The following HLA-DMA variants were observed in gnomAD, a reference collection of about 807,000 sequenced individuals.
HLA-DMA encodes the protein HLA class II histocompatibility antigen, DM alpha chain.
Under a neutral mutation model 27.3 loss-of-function variants are expected in HLA-DMA, and 20 were observed. The observed-to-expected ratio is 0.73, with a 90% confidence interval of 0.52 to 1.07. HLA-DMA has a LOEUF of 1.07. Ranked by LOEUF, HLA-DMA falls within the 50% of genes least tolerant of loss-of-function variation. HLA-DMA has a pLI of 0.00. For synonymous variants in HLA-DMA, 111 were observed against 126.8 expected, an observed-to-expected ratio of 0.88 and a Z score of 0.83; for missense variants, 241 against 321.7, an observed-to-expected ratio of 0.75 and a Z score of 1.92.
rs2127480164 is a variant in HLA-DMA, at chr6:32,949,545, C to G, written c.652+66G>C. ...AACAAGGTACCAGTGGAGAAAGAAG[C>G]CTCCTCCCATGGATCTATCCCTTTT... is the stretch of plus-strand genomic sequence containing the variant. On this transcript the variant is annotated intron_variant, in intron 3 of 4. Coordinates refer to ENST00000374843, the MANE Select transcript of HLA-DMA (RefSeq NM_006120.4). The surrounding 1 kb of genome is among the most constrained non-coding windows in gnomAD (Gnocchi z 5.8). 2 of 1,598,828 alleles carry G rather than the reference C, an allele frequency of 1.3e-6. No individual in the cohort carries two copies. Among genetic ancestry groups the G allele is most frequent in the East Asian group, 2.2e-5 (1 of 44,702 alleles).
chr6:32,948,857 G>A lies in HLA-DMA; in HGVS notation c.*7C>T. ...AGCTGCTGGCATCAAACTCTGGTCT[G>A]GAAGAATCAGTCTGGGGGAGAGACA... On this transcript the variant is annotated 3_prime_UTR_variant, in exon 5 of 5. Transcript: ENST00000374843. 1 of 1,613,950 alleles carries A rather than the reference G, an allele frequency of 6.2e-7. No individual in the cohort carries two copies. The highest frequency in any genetic ancestry group is 8.5e-7 in the Non-Finnish European group (1 of 1,179,968).
Position 32,950,312 on chromosome 6 carries a change from A to C in HLA-DMA, c.373+207T>G. On this transcript the variant is annotated intron_variant, in intron 2 of 4. Transcript: ENST00000374843. This position sits in a 1 kb window ranked among gnomAD's most constrained non-coding sequence, Gnocchi z 5.0. ...CTGTTGAATTCATCACATTCAATAC[A>C]TAGTTCTGAATGCCTACTACATGCT... 1 of 645,586 alleles carries C rather than the reference A, an allele frequency of 1.5e-6. No homozygotes were observed. The highest frequency in any genetic ancestry group is 2.7e-6 in the Non-Finnish European group (1 of 365,316). 40.0% of individuals were successfully genotyped at this position (645,586 alleles called of 1,614,324 possible). A position where few individuals can be genotyped will look rare whatever the true frequency, so the allele number is the denominator to read the frequency against.
At chr6:32,951,055 G>A (rs999086385) in intron 1 of HLA-DMA, among the ~76,000 whole-genome samples, 8 of 151,936 alleles carry the variant, frequency 5.3e-5, no homozygotes, top group Non-Finnish European at 1.2e-4. Flanking sequence ...GAGGCTGAGG[G>A]AGGAGAATTG....
rs1305619085 is a variant in HLA-DMA, at chr6:32,950,920, G to T, written c.89-117C>A. 2.0e-6 allele frequency: 2 copies of T among 984,626 alleles called. No individual in the cohort carries two copies. The highest frequency in any genetic ancestry group is 3.0e-6 in the Non-Finnish European group (2 of 669,814). The allele number at this position is 984,626 out of a possible 1,614,324, so 61.0% of individuals were successfully genotyped here. Reference sequence around the variant, plus strand: ...GCCTGTAATCCCAGCACTTTGGGAGGCCAAGGTGGGTGGATCATGAGGTCA... The same window carrying T: ...GCCTGTAATCCCAGCACTTTGGGAGTCCAAGGTGGGTGGATCATGAGGTCA... On this transcript the variant is annotated intron_variant, in intron 1 of 4. Transcript: ENST00000374843. The surrounding 1 kb of genome is among the most constrained non-coding windows in gnomAD (Gnocchi z 5.0).
At chr6:32,948,947 A>G in intron 4 of HLA-DMA, 79 bp from the exon 5 acceptor site, 1 of 1,543,300 alleles carries the variant, frequency 6.5e-7, no homozygotes, top group Middle Eastern at 2.0e-4. Context: ...CCTCCCCCAC[A>G]AAGGCCTTGC....
chr6:32,949,159 G>A lies in HLA-DMA; in HGVS notation c.781+112C>T, dbSNP rs908103666. ...TGGATACAGGCCCCCACACCCAAGG[G>A]CCTGAGGATCGCTATATGTCCCCCC... On this transcript the variant is annotated intron_variant, in intron 4 of 4. Transcript: ENST00000374843. The surrounding 1 kb of genome is among the most constrained non-coding windows in gnomAD (Gnocchi z 5.8). The A allele has an allele frequency of 4.9e-6, 7 of 1,441,538 alleles. No individual in the cohort carries two copies. Among genetic ancestry groups the A allele is most frequent in the Non-Finnish European group, 6.7e-6 (7 of 1,045,742 alleles). 89.3% of individuals were successfully genotyped at this position (1,441,538 alleles called of 1,614,324 possible).
In HLA-DMA at chr6:32,948,641, T is replaced by TG; in HGVS notation, c.*222dup. On this transcript the variant is annotated 3_prime_UTR_variant, in exon 5 of 5. Transcript: ENST00000374843. ...TATAAAGAAATGAGATTTATTGCCT[T>TG]GTGGGGGGAAGGGATGTGGTTGTGA... The TG allele has an allele frequency of 1.6e-6, 1 of 608,122 alleles. No individual in the cohort carries two copies. Among genetic ancestry groups the TG allele is most frequent in the Non-Finnish European group, 2.9e-6 (1 of 339,900 alleles). The allele number at this position is 608,122 out of a possible 1,614,324, so 37.7% of individuals were successfully genotyped here.
In HLA-DMA at chr6:32,950,036, G is replaced by C; in HGVS notation, c.374-147C>G. 1 of 751,982 alleles carries C rather than the reference G, an allele frequency of 1.3e-6. No homozygotes were observed. The highest frequency in any genetic ancestry group is 2.1e-6 in the Non-Finnish European group (1 of 471,216). The allele number at this position is 751,982 out of a possible 1,614,324, so 46.6% of individuals were successfully genotyped here. On this transcript the variant is annotated intron_variant, in intron 2 of 4. Transcript: ENST00000374843. This position sits in a 1 kb window ranked among gnomAD's most constrained non-coding sequence, Gnocchi z 5.0. ...GAGACAGAGATGAGCGAGGAGCTGG[G>C]CTCTGAAGGGAGGTCTTCTTCCAGG...
intron 1 of HLA-DMA, among the ~76,000 whole-genome samples, chr6:32,951,972 T>C (rs1049880692): frequency 4.2e-4 from 64 of 152,124 alleles, no homozygotes; most frequent in African/African-American, 9.9e-4. Context: ...AAAATGTATA[T>C]ATATAAAATA....
chr6:32,948,677 A>C lies in HLA-DMA; in HGVS notation c.*187T>G. 1.5e-6 allele frequency: 1 copy of C among 675,810 alleles called. No homozygotes were observed. The highest frequency in any genetic ancestry group is 2.7e-6 in the Non-Finnish European group (1 of 375,042). 41.9% of individuals were successfully genotyped at this position (675,810 alleles called of 1,614,324 possible). On this transcript the variant is annotated 3_prime_UTR_variant, in exon 5 of 5. Transcript: ENST00000374843. ...GGGATGTGGTTGTGATAGGCAGGCC[A>C]CTCTGGGATCCCTGGGATGCAAGCC... is the stretch of plus-strand genomic sequence containing the variant.
In HLA-DMA at chr6:32,949,171, C is replaced by G; in HGVS notation, c.781+100G>C. The G allele has an allele frequency of 6.6e-7, 1 of 1,521,438 alleles. No homozygotes were observed. The highest frequency in any genetic ancestry group is 1.2e-5 in the South Asian group (1 of 83,408). The allele number at this position is 1,521,438 out of a possible 1,614,324, so 94.2% of individuals were successfully genotyped here. A position where few individuals can be genotyped will look rare whatever the true frequency, so the allele number is the denominator to read the frequency against. On this transcript the variant is annotated intron_variant, in intron 4 of 4. Transcript: ENST00000374843. The surrounding 1 kb of genome is among the most constrained non-coding windows in gnomAD (Gnocchi z 5.8). ...CCCACACCCAAGGGCCTGAGGATCG[C>G]TATATGTCCCCCCATGCCACAAAAT...
rs1776777951 is a variant in HLA-DMA at position 32,949,184 on chromosome 6, C to T, written c.781+87G>A. 4 of 1,569,844 alleles carry T rather than the reference C, an allele frequency of 2.5e-6. No homozygotes were observed. Among genetic ancestry groups the T allele is most frequent in the African/African-American group, 2.7e-5 (2 of 74,250 alleles). On this transcript the variant is annotated intron_variant, in intron 4 of 4. Coordinates refer to ENST00000374843, the MANE Select transcript of HLA-DMA (RefSeq NM_006120.4). This position sits in a 1 kb window ranked among gnomAD's most constrained non-coding sequence, Gnocchi z 5.8. ...GCCTGAGGATCGCTATATGTCCCCC[C>T]ATGCCACAAAATAATCCTGACACAT...
In HLA-DMA at chr6:32,952,994, A is replaced by C. The variant is rs1467215431; in HGVS notation, c.43T>G (p.Leu15Val). The C allele has an allele frequency of 1.9e-6, 3 of 1,612,998 alleles. No individual in the cohort carries two copies. In the African/African-American group the frequency reaches 4.0e-5, roughly 21 times the overall value. Residue 15 changes from leucine to valine, a missense_variant, in exon 1 of 5, where the codon TTA becomes GTA. Coordinates refer to ENST00000374843, the MANE Select transcript of HLA-DMA (RefSeq NM_006120.4). ...QNQGAALLQM[L>V]PLLWLLPHSW... Reference sequence around the variant, plus strand: ...TGGGGTAGCAGCCACAGAAGTGGTAACATCTGTAGCAGCGCAGCTCCTTGG... The same window carrying C: ...TGGGGTAGCAGCCACAGAAGTGGTACCATCTGTAGCAGCGCAGCTCCTTGG...
Position 32,950,379 on chromosome 6 carries a change from G to T in HLA-DMA, c.373+140C>A. 1 of 1,071,518 alleles carries T rather than the reference G, an allele frequency of 9.3e-7. No individual in the cohort carries two copies. The highest frequency in any genetic ancestry group is 1.4e-6 in the Non-Finnish European group (1 of 721,854). 66.4% of individuals were successfully genotyped at this position (1,071,518 alleles called of 1,614,324 possible). A position where few individuals can be genotyped will look rare whatever the true frequency, so the allele number is the denominator to read the frequency against. On this transcript the variant is annotated intron_variant, in intron 2 of 4. Coordinates refer to ENST00000374843, the MANE Select transcript of HLA-DMA (RefSeq NM_006120.4). This position sits in a 1 kb window ranked among gnomAD's most constrained non-coding sequence, Gnocchi z 5.0. ...CAAAAGAACACAGGGTGCAGACCAA[G>T]GCTGGTGGAAAAATTAAGGTGATGA...
In HLA-DMA at chr6:32,949,998, G is replaced by T; in HGVS notation, c.374-109C>A. On this transcript the variant is annotated intron_variant, in intron 2 of 4. Transcript: ENST00000374843. This position sits in a 1 kb window ranked among gnomAD's most constrained non-coding sequence, Gnocchi z 5.8. ...GGGGAGGGCAGAGAAGAACACAGTG[G>T]GTCAGGCTTTGGGAGACAGAGATGA... 1 of 1,105,168 alleles carries T rather than the reference G, an allele frequency of 9.0e-7. No individual in the cohort carries two copies. The allele number at this position is 1,105,168 out of a possible 1,614,324, so 68.5% of individuals were successfully genotyped here.
Position 32,953,062 on chromosome 6 carries a change from A to G in HLA-DMA, c.-26T>C, listed in dbSNP as rs765490462. The G allele has an allele frequency of 6.3e-7, 1 of 1,585,928 alleles. No homozygotes were observed. ...ACCTTCTTGCCACACAGTAGGTAGG[A>G]GCTACCAACCCAGCCAACCCAGCTT... is the stretch of plus-strand genomic sequence containing the variant. On this transcript the variant is annotated 5_prime_UTR_variant, in exon 1 of 5. Transcript: ENST00000374843.
Position 32,949,605 on chromosome 6 carries a change from C to T in HLA-DMA, c.652+6G>A. On this transcript the variant is annotated splice_donor_region_variant and intron_variant, in intron 3 of 4. Coordinates refer to ENST00000374843, the MANE Select transcript of HLA-DMA (RefSeq NM_006120.4). The surrounding 1 kb of genome is among the most constrained non-coding windows in gnomAD (Gnocchi z 5.8). The stretch of plus-strand genomic sequence containing the variant: ...AAGGACCAGAATTCCAGGGAGAAAG[C>T]CTCACCCCAATAGGCAATTGCTGTG... 1 of 1,612,614 alleles carries T rather than the reference C, an allele frequency of 6.2e-7. No homozygotes were observed. The highest frequency in any genetic ancestry group is 8.5e-7 in the Non-Finnish European group (1 of 1,179,478).
intron 1 of HLA-DMA, among the ~76,000 whole-genome samples, chr6:32,951,063 T>C (rs939070085): frequency 1.3e-5 from 2 of 152,114 alleles, no homozygotes; most frequent in South Asian, 2.1e-4. Flanking sequence ...GGGAGGAGAA[T>C]TGCTTGAACC....
Position 32,950,368 on chromosome 6 carries a change from G to A in HLA-DMA, c.373+151C>T, listed in dbSNP as rs1776841784. On this transcript the variant is annotated intron_variant, in intron 2 of 4. Coordinates refer to ENST00000374843, the MANE Select transcript of HLA-DMA (RefSeq NM_006120.4). The surrounding 1 kb of genome is among the most constrained non-coding windows in gnomAD (Gnocchi z 5.0). ...CTTCGGCCCACCAAAAGAACACAGG[G>A]TGCAGACCAAGGCTGGTGGAAAAAT... 6.4e-6 allele frequency: 6 copies of A among 943,198 alleles called. No homozygotes were observed. The highest frequency in any genetic ancestry group is 9.9e-6 in the Non-Finnish European group (6 of 609,002). 58.4% of individuals were successfully genotyped at this position (943,198 alleles called of 1,614,324 possible).
Sources: allele counts gnomAD v4.1 joint callset (sites outside exome capture counted in the v4.1 genomes callset), GRCh38; gene constraint gnomAD v4.1.1; non-coding constraint Gnocchi (gnomAD v3.1); transcripts MANE v1.5; gene names NCBI Gene and HGNC (gene_info 2026-07-23, HGNC 2026-07-21).